ZSWIM5: variants seen among roughly 807,000 people sequenced by gnomAD.
The protein encoded by ZSWIM5 is zinc finger SWIM-type containing 5.
Under a neutral mutation model 119.6 loss-of-function variants are expected in ZSWIM5, and 55 were observed. That is an observed-to-expected ratio of 0.46 (90% CI 0.37 to 0.58). ZSWIM5 has a LOEUF of 0.58. Among genes scored for constraint, ZSWIM5 ranks in the 20% least tolerant of loss-of-function variants. ZSWIM5 has a pLI of 0.00. For synonymous variants in ZSWIM5, 537 were observed against 606.9 expected (o/e 0.88, Z 1.69); for missense variants, 1,193 against 1,512.8 (o/e 0.79, Z 3.51).
intron 5 of ZSWIM5, among the ~76,000 whole-genome samples, chr1:45,049,951 T>C (rs1446403424): frequency 6.6e-6 from 1 of 152,218 alleles, no homozygotes; most frequent in Non-Finnish European, 1.5e-5. Flanking sequence ...ATTACCTTAG[T>C]TGTCTTAAAT....
intron 1 of ZSWIM5, among the ~76,000 whole-genome samples, chr1:45,196,831 A>G (rs928896521): frequency 6.6e-6 from 1 of 152,204 alleles, no homozygotes; most frequent in Non-Finnish European, 1.5e-5. Flanking sequence ...TAACATTTCC[A>G]TCACCCAGAA....
intron 11 of ZSWIM5, among the ~76,000 whole-genome samples, chr1:45,029,972 TAG>T (rs1394176755): frequency 6.6e-6 from 1 of 152,150 alleles, no homozygotes; most frequent in Non-Finnish European, 1.5e-5. Flanking sequence ...TTTATGTTTT[TAG>T]AGATAGGGTC....
intron 1 of ZSWIM5, among the ~76,000 whole-genome samples, chr1:45,121,553 T>C (rs1645591931): frequency 6.6e-6 from 1 of 151,868 alleles, no homozygotes; most frequent in African/African-American, 2.4e-5. Flanking sequence ...ACCCCAAACC[T>C]CTTTCTTTAT....
At chr1:45,020,180 T>C (rs756491840) in intron 12 of ZSWIM5, 33 bp from the exon 13 acceptor site, 1 of 1,590,238 alleles carries the variant, frequency 6.3e-7, no homozygotes, top group South Asian at 1.1e-5. Flanking sequence ...CAGTGGGCTA[T>C]GCCTAACTGT....
intron 1 of ZSWIM5, among the ~76,000 whole-genome samples, chr1:45,114,109 T>A (rs770225291): frequency 7.2e-5 from 11 of 152,184 alleles, no homozygotes; most frequent in Non-Finnish European, 1.3e-4. Context: ...TCCTTAAATA[T>A]AATGTGCAAG....
At chr1:45,020,893 T>TTGATA in intron 11 of ZSWIM5, 105 bp from the exon 12 acceptor site, 1 of 1,304,566 alleles carries the variant, frequency 7.7e-7, no homozygotes, top group Non-Finnish European at 1.1e-6. Flanking sequence ...ATTCATTGAA[T>TTGATA]GCTTCTGAAT....
In ZSWIM5 at chr1:45,019,856, A is replaced by G. The variant is rs76412391; in HGVS notation, c.2695+210T>C. Among the ~76,000 whole-genome samples the G allele has an allele frequency of 6.6e-6, 1 of 152,240 alleles. No homozygotes were observed. The highest frequency in any genetic ancestry group is 2.4e-5 in the African/African-American group (1 of 41,558). On this transcript the variant is annotated intron_variant, in intron 13 of 13. Transcript: ENST00000359600. This position sits in a 1 kb window ranked among gnomAD's most constrained non-coding sequence, Gnocchi z 5.0. The stretch of plus-strand genomic sequence containing the variant: ...GAGAGGATCAAGGGCTGCTGACATC[A>G]GGATATGGTTCAAGCAGTGAAGACA...
chr1:45,099,623 G>A (rs1645425745), intron 1 of ZSWIM5, among the ~76,000 whole-genome samples: 1 of 152,138 alleles, frequency 6.6e-6, no homozygotes, highest in African/African-American at 2.4e-5. Flanking sequence ...CAATATCCCT[G>A]ATGATCATCA....
At chr1:45,083,332 C>G (rs1429644654) in intron 2 of ZSWIM5, among the ~76,000 whole-genome samples, 4 of 152,028 alleles carry the variant, frequency 2.6e-5, no homozygotes, top group African/African-American at 9.7e-5. Context: ...TTCATTGCAG[C>G]CTTGACATCC....
intron 1 of ZSWIM5, among the ~76,000 whole-genome samples, chr1:45,146,308 C>T (rs1502339): frequency 4.0e-5 from 6 of 148,680 alleles, no homozygotes; most frequent in African/African-American, 1.2e-4. Context: ...TATAACTATT[C>T]GTTTATACAG....
chr1:45,091,712 A>G (rs1308102047), intron 1 of ZSWIM5, among the ~76,000 whole-genome samples: 1 of 152,074 alleles, frequency 6.6e-6, no homozygotes, highest in Admixed American at 6.6e-5. Context: ...ACAAACAAAC[A>G]AAATGAAACA....
At chr1:45,048,082 C>CTT (rs1187025417) in intron 5 of ZSWIM5, among the ~76,000 whole-genome samples, 1 of 85,248 alleles carries the variant, frequency 1.2e-5, no homozygotes, top group African/African-American at 4.7e-5. Context: ...TTTCTTTTCT[C>CTT]TTTTTTTTTT....
At chr1:45,156,056 GA>G (rs1005468970) in intron 1 of ZSWIM5, among the ~76,000 whole-genome samples, 2 of 150,260 alleles carry the variant, frequency 1.3e-5, no homozygotes, top group Non-Finnish European at 3.0e-5. Flanking sequence ...TTAAAAGAAG[GA>G]AAAAAAATTA....
chr1:45,028,121 G>C (rs1362320874), intron 11 of ZSWIM5, among the ~76,000 whole-genome samples: 1 of 152,210 alleles, frequency 6.6e-6, no homozygotes, highest in Non-Finnish European at 1.5e-5. Context: ...AAAGTGCTGG[G>C]ATTACAGGGG....
chr1:45,197,417 G>A (rs1430172606), intron 1 of ZSWIM5, among the ~76,000 whole-genome samples: 5 of 152,068 alleles, frequency 3.3e-5, no homozygotes, highest in African/African-American at 9.7e-5. Flanking sequence ...TTTGGGTATG[G>A]TTTCTTTTAT....
intron 1 of ZSWIM5, among the ~76,000 whole-genome samples, chr1:45,104,054 T>G (rs533292585): frequency 1.3e-5 from 2 of 152,220 alleles, no homozygotes; most frequent in African/African-American, 2.4e-5. Flanking sequence ...GTAACTTCTT[T>G]GACTGAGAAA....
At chr1:45,111,889 T>C (rs958952251) in intron 1 of ZSWIM5, among the ~76,000 whole-genome samples, 3 of 152,264 alleles carry the variant, frequency 2.0e-5, no homozygotes, top group Non-Finnish European at 4.4e-5. Context: ...AACATATTCA[T>C]AGGTTCTGAT....
chr1:45,140,866 A>G (rs561805683), intron 1 of ZSWIM5, among the ~76,000 whole-genome samples: 1 of 152,318 alleles, frequency 6.6e-6, no homozygotes, highest in Non-Finnish European at 1.5e-5. Flanking sequence ...AAAGGAGACC[A>G]GAATTTGAAG....
intron 1 of ZSWIM5, among the ~76,000 whole-genome samples, chr1:45,186,593 T>TTTTATTTATTTATTTA (rs57251068): frequency 6.6e-6 from 1 of 150,660 alleles, no homozygotes; most frequent in African/African-American, 2.4e-5. Context: ...AACAACTTGG[T>TTTTATTTATTTATTTA]TTTATTTATT....
Sources: allele counts gnomAD v4.1 joint callset (sites outside exome capture counted in the v4.1 genomes callset), GRCh38; gene constraint gnomAD v4.1.1; non-coding constraint Gnocchi (gnomAD v3.1); transcripts MANE v1.5; gene names NCBI Gene and HGNC (gene_info 2026-07-23, HGNC 2026-07-21).